TRAT1: variants seen among roughly 807,000 people sequenced by gnomAD.
TRAT1 encodes T-cell receptor-associated transmembrane adapter 1.
In TRAT1, 20 loss-of-function variants were observed where a neutral mutation model predicts 20.0. The observed-to-expected ratio is 1.00, with a 90% CI of 0.70 to 1.45. The LOEUF (loss-of-function observed/expected upper bound fraction) is 1.45. Ranked by LOEUF, TRAT1 falls within the 40% of genes most tolerant of loss-of-function variation. The pLI, the probability that TRAT1 is intolerant of heterozygous loss-of-function variation, is 0.00. For synonymous variants in TRAT1, 77 were observed against 74.2 expected (o/e 1.04, Z -0.20); for missense variants, 237 against 224.1 (o/e 1.06, Z -0.37).
intron 3 of TRAT1, among the ~76,000 whole-genome samples, chr3:108,846,154 G>C (rs1472762331): frequency 1.3e-5 from 2 of 152,130 alleles, no homozygotes; most frequent in African/African-American, 4.8e-5. Context: ...TAAACTTGCT[G>C]TACAATCCTA....
At chr3:108,845,951 G>A (rs1451202054) in intron 3 of TRAT1, among the ~76,000 whole-genome samples, 1 of 152,134 alleles carries the variant, frequency 6.6e-6, no homozygotes, top group African/African-American at 2.4e-5. Flanking sequence ...CTCACGTGAG[G>A]CTGGAAGGAA....
chr3:108,845,498 A>G (rs1046522979), intron 3 of TRAT1, among the ~76,000 whole-genome samples: 7 of 152,216 alleles, frequency 4.6e-5, no homozygotes, highest in Admixed American at 1.3e-4. Flanking sequence ...GCTGTATTGA[A>G]TTACCGGATG....
In TRAT1 at chr3:108,843,214, T is replaced by C. The variant is rs112797419; in HGVS notation, c.153-3854T>C. Among the ~76,000 whole-genome samples the C allele has an allele frequency of 2.8e-3, 428 of 152,266 alleles. 1 individual carries two copies. The highest frequency in any genetic ancestry group is 0.017 in the Middle Eastern group (5 of 294). Reference sequence around the variant, plus strand: ...TAAACAGACTGTATTGTTTATACCTTTAAAAAACCAACCATCTCCTTAAAA... The same window carrying C: ...TAAACAGACTGTATTGTTTATACCTCTAAAAAACCAACCATCTCCTTAAAA... On this transcript the variant is annotated intron_variant, in intron 3 of 5. Coordinates refer to ENST00000295756, the MANE Select transcript of TRAT1 (RefSeq NM_016388.4).
intron 2 of TRAT1, among the ~76,000 whole-genome samples, chr3:108,838,337 GATGATAGAT>G (rs1238169508): frequency 0.016 from 1,624 of 99,404 alleles, 36 homozygotes; most frequent in African/African-American, 0.1. Context: ...TAGATAGATA[GATGATAGAT>G]ATAGATAGAT....
At chr3:108,852,813 C>T (rs1946009164) in intron 5 of TRAT1, among the ~76,000 whole-genome samples, 1 of 152,172 alleles carries the variant, frequency 6.6e-6, no homozygotes. Flanking sequence ...TTTTAAAAAC[C>T]TGACCAAGAT....
intron 2 of TRAT1, among the ~76,000 whole-genome samples, chr3:108,838,507 C>A (rs1466814588): frequency 6.6e-6 from 1 of 152,026 alleles, no homozygotes; most frequent in Non-Finnish European, 1.5e-5. Context: ...TATAAGAATG[C>A]AGAGGTGTTT....
intron 3 of TRAT1, among the ~76,000 whole-genome samples, chr3:108,843,631 T>G (rs1363685609): frequency 6.6e-6 from 1 of 152,244 alleles, no homozygotes; most frequent in Non-Finnish European, 1.5e-5. Flanking sequence ...ACAAGAAAAC[T>G]TGAAAGGTCC....
At chr3:108,832,232 G>A (rs908157108) in intron 2 of TRAT1, among the ~76,000 whole-genome samples, 22 of 152,106 alleles carry the variant, frequency 1.4e-4, no homozygotes, top group Admixed American at 9.2e-4. Flanking sequence ...TGTCCCAAAA[G>A]GTTTCTACCA....
intron 3 of TRAT1, among the ~76,000 whole-genome samples, chr3:108,840,238 C>G (rs966277020): frequency 6.6e-6 from 1 of 152,136 alleles, no homozygotes; most frequent in African/African-American, 2.4e-5. Context: ...ACATTAGATA[C>G]TTTTCAAGTC....
intron 5 of TRAT1, among the ~76,000 whole-genome samples, chr3:108,850,223 G>A (rs1189788076): frequency 6.6e-6 from 1 of 151,838 alleles, no homozygotes; most frequent in Admixed American, 6.6e-5. Flanking sequence ...CCCTAAAATG[G>A]CTCACATCTT....
chr3:108,823,918 C>A (rs1039638378), intron 1 of TRAT1, among the ~76,000 whole-genome samples: 2 of 151,988 alleles, frequency 1.3e-5, no homozygotes, highest in African/African-American at 4.8e-5. Flanking sequence ...TGTTGCCAGG[C>A]AGGAGTGCAG....
chr3:108,824,798 C>T (rs1231795574), intron 1 of TRAT1, among the ~76,000 whole-genome samples: 3 of 152,180 alleles, frequency 2.0e-5, no homozygotes, highest in South Asian at 2.1e-4. Context: ...AAGAAATGAA[C>T]ATAGCATTAC....
At chr3:108,845,580 G>A (rs1036338523) in intron 3 of TRAT1, among the ~76,000 whole-genome samples, 23 of 152,150 alleles carry the variant, frequency 1.5e-4, no homozygotes, top group Non-Finnish European at 3.2e-4. Flanking sequence ...GGCTTTTCAA[G>A]CCATTTCATA....
At chr3:108,847,995 G>T (rs554657936) in intron 4 of TRAT1, among the ~76,000 whole-genome samples, 63 of 152,226 alleles carry the variant, frequency 4.1e-4, no homozygotes, top group African/African-American at 1.4e-3. Context: ...TTTCATTGTA[G>T]AGTGTCCTCT....
chr3:108,833,535 C>T (rs1040526813), intron 2 of TRAT1, among the ~76,000 whole-genome samples: 1 of 152,074 alleles, frequency 6.6e-6, no homozygotes, highest in Non-Finnish European at 1.5e-5. Flanking sequence ...GCTCTATTAC[C>T]TAAAAGTAGT....
At chr3:108,822,982 C>T in intron 1 of TRAT1, 48 bp downstream of exon 1, 1 of 1,563,700 alleles carries the variant, frequency 6.4e-7, no homozygotes, top group Non-Finnish European at 8.8e-7. Flanking sequence ...TCTAAAAATT[C>T]ACTTAATTTC....
chr3:108,831,537 TC>T (rs367998338), intron 2 of TRAT1, among the ~76,000 whole-genome samples: 1 of 145,538 alleles, frequency 6.9e-6, no homozygotes, highest in African/African-American at 2.6e-5. Flanking sequence ...CTGGAAGGTA[TC>T]TTTTTTTTTT....
In TRAT1 at chr3:108,828,170, T is replaced by C. The variant is rs186331229; in HGVS notation, c.8-2500T>C. On this transcript the variant is annotated intron_variant, in intron 1 of 5. Transcript: ENST00000295756. ...TGGTTATATTGTACTACATTTTATT[T>C]ACTCAAACCATAACTATGTATTGAG... Among the ~76,000 whole-genome samples the C allele has an allele frequency of 3.7e-4, 57 of 152,280 alleles. No individual in the cohort carries two copies. The Middle Eastern group carries it at 0.01, about 27-fold the overall frequency.
At chr3:108,845,584 T>A (rs1288050284) in intron 3 of TRAT1, among the ~76,000 whole-genome samples, 1 of 152,220 alleles carries the variant, frequency 6.6e-6, no homozygotes, top group African/African-American at 2.4e-5. Flanking sequence ...TTTCAAGCCA[T>A]TTCATACAGG....
Sources: gnomAD v4.1 joint callset for allele counts (sites outside exome capture counted in the v4.1 genomes callset) on GRCh38, gnomAD v4.1.1 for gene constraint, MANE v1.5 for transcripts, NCBI Gene and HGNC (gene_info 2026-07-23, HGNC 2026-07-21) for gene names.